PARP16: variants seen among roughly 807,000 people sequenced by gnomAD.
PARP16 encodes the protein poly(ADP-ribose) polymerase family member 16.
In PARP16, 31 loss-of-function variants were observed where a neutral mutation model predicts 35.0. The ratio of observed to expected loss-of-function variants is 0.88; its 90% CI spans 0.66 to 1.19. The LOEUF (loss-of-function observed/expected upper bound fraction) is 1.19. Among genes scored for constraint, PARP16 ranks in the 50% most tolerant of loss-of-function variants. The pLI, the probability that PARP16 is intolerant of heterozygous loss-of-function variation, is 0.00. For missense variants in PARP16, 424 were observed against 411.2 expected (o/e 1.03, Z -0.27); for synonymous variants, 162 against 169.5 (o/e 0.96, Z 0.34).
At chr15:65,277,960 G>C (rs751694771) in intron 1 of PARP16, among the ~76,000 whole-genome samples, 1 of 152,176 alleles carries the variant, frequency 6.6e-6, no homozygotes, top group Non-Finnish European at 1.5e-5. Context: ...TCAGTACATG[G>C]CAGTGGAAGG....
intron 1 of PARP16, among the ~76,000 whole-genome samples, chr15:65,281,446 T>C (rs2090419283): frequency 6.6e-6 from 1 of 152,006 alleles, no homozygotes; most frequent in African/African-American, 2.4e-5. Context: ...TCCCAGCAGT[T>C]TGGGAGGCCG....
chr15:65,254,507 A>G (rs1230420894), downstream of PARP16, among the ~76,000 whole-genome samples: 3 of 152,138 alleles, frequency 2.0e-5, no homozygotes, highest in Non-Finnish European at 4.4e-5. Flanking sequence ...AAACACAAAC[A>G]AAGGCCAAGA....
intron 3 of PARP16, among the ~76,000 whole-genome samples, chr15:65,241,739 C>G (rs922069561): frequency 3.3e-5 from 5 of 151,734 alleles, no homozygotes; most frequent in Non-Finnish European, 7.4e-5. Flanking sequence ...AGATACAAAT[C>G]ATTTATTCTT....
At chr15:65,273,256 G>A in intron 1 of PARP16, among the ~76,000 whole-genome samples, 1 of 88,796 alleles carries the variant, frequency 1.1e-5, no homozygotes. Context: ...CTAGCCTGGT[G>A]ACAGAGAGAG....
At chr15:65,265,729 T>C (rs1416797579) in intron 3 of PARP16, among the ~76,000 whole-genome samples, 1 of 152,098 alleles carries the variant, frequency 6.6e-6, no homozygotes, top group East Asian at 1.9e-4. Flanking sequence ...GGTCTGCGCC[T>C]GAGATTCGCA....
intron 3 of PARP16, among the ~76,000 whole-genome samples, chr15:65,239,451 A>AG (rs2088979887): frequency 7.0e-6 from 1 of 142,566 alleles, no homozygotes; most frequent in African/African-American, 2.6e-5. Context: ...AAAAAAAAAA[A>AG]AAGAGAGAAA....
chr15:65,241,554 G>T (rs1267896901), intron 3 of PARP16, among the ~76,000 whole-genome samples: 2 of 152,106 alleles, frequency 1.3e-5, no homozygotes, highest in Non-Finnish European at 1.5e-5. Flanking sequence ...TTTTTTAGTG[G>T]GTGTGCAGTG....
At chr15:65,243,092 T>C (rs2089122361) in intron 3 of PARP16, among the ~76,000 whole-genome samples, 1 of 152,228 alleles carries the variant, frequency 6.6e-6, no homozygotes, top group African/African-American at 2.4e-5. Flanking sequence ...AAGACAGTTT[T>C]ACTTTTTTCT....
At chr15:65,261,303 T>C (rs953336295) in intron 4 of PARP16, among the ~76,000 whole-genome samples, 11 of 151,200 alleles carry the variant, frequency 7.3e-5, no homozygotes, top group African/African-American at 2.7e-4. Flanking sequence ...AGCAAATTGA[T>C]GGCCATAGCA....
At chr15:65,272,129 T>C (rs1452855665) in intron 1 of PARP16, among the ~76,000 whole-genome samples, 1 of 152,196 alleles carries the variant, frequency 6.6e-6, no homozygotes, top group Non-Finnish European at 1.5e-5. Context: ...GTTTTCACTT[T>C]TGGGGGCAAA....
At chr15:65,239,424 TAAAAAAAAAAAA>T (rs758350761) in intron 3 of PARP16, among the ~76,000 whole-genome samples, 23 of 6,960 alleles carry the variant, frequency 3.3e-3, no homozygotes, top group East Asian at 0.026. Context: ...AGACTTTGCC[TAAAAAAAAAAAA>T]AAAAAAAAAA....
At chr15:65,272,335 G>A (rs532153385) in intron 1 of PARP16, among the ~76,000 whole-genome samples, 9 of 152,258 alleles carry the variant, frequency 5.9e-5, no homozygotes, top group Admixed American at 2.0e-4. Context: ...AGGAAGAATC[G>A]GAATCCTGAA....
intron 2 of PARP16, among the ~76,000 whole-genome samples, chr15:65,270,472 C>T (rs907430826): frequency 6.6e-6 from 1 of 152,164 alleles, no homozygotes; most frequent in Non-Finnish European, 1.5e-5. Flanking sequence ...TGAACTAGGT[C>T]AGAGTTTCTT....
At position 65,271,083 on chromosome 15, in the gene PARP16, GGAA is replaced by G. The variant is rs766011650; in HGVS notation, c.175-14_175-12del. The G allele has an allele frequency of 1.2e-6, 2 of 1,613,806 alleles. No homozygotes were observed. Among genetic ancestry groups the G allele is most frequent in the Non-Finnish European group, 1.7e-6 (2 of 1,179,818 alleles). On this transcript the variant is annotated splice_polypyrimidine_tract_variant and intron_variant, in intron 1 of 5. Coordinates refer to ENST00000649807, the MANE Select transcript of PARP16 (RefSeq NM_001316943.2). ...GCTGGCATCTGCAAGCTGAAGCGACGGAAGAACTTCCATTAGCAAGGATCCCGG... is the reference window on the plus strand; with the variant it reads ...GCTGGCATCTGCAAGCTGAAGCGACGGAACTTCCATTAGCAAGGATCCCGG...
At chr15:65,254,028 G>A (rs1449000057), downstream of PARP16, among the ~76,000 whole-genome samples, 1 of 152,068 alleles carries the variant, frequency 6.6e-6, no homozygotes, top group Non-Finnish European at 1.5e-5. Context: ...ATGTTGGCCA[G>A]GATGGTCTTG....
intron 4 of PARP16, 111 bp downstream of exon 4, chr15:65,263,038 C>T: frequency 2.0e-6 from 2 of 1,009,062 alleles, no homozygotes; most frequent in Non-Finnish European, 1.5e-6. Context: ...GCCCTGGATC[C>T]AGCCCAACCC....
At chr15:65,270,536 A>C (rs918048075) in intron 2 of PARP16, among the ~76,000 whole-genome samples, 4 of 152,218 alleles carry the variant, frequency 2.6e-5, no homozygotes, top group Non-Finnish European at 5.9e-5. Context: ...TTGTTAAATA[A>C]AGTGAATCCC....
intron 2 of PARP16, among the ~76,000 whole-genome samples, chr15:65,268,514 T>C (rs995114496): frequency 1.3e-5 from 2 of 152,214 alleles, no homozygotes; most frequent in Non-Finnish European, 2.9e-5. Flanking sequence ...GGTGTGATCC[T>C]AGCTCATCGC....
intron 3 of PARP16, 146 bp from the exon 4 acceptor site, chr15:65,263,466 A>ATTTG: frequency 1.6e-6 from 1 of 608,448 alleles, no homozygotes; most frequent in Non-Finnish European, 2.9e-6. Flanking sequence ...AGGATCAAAT[A>ATTTG]ATCCTGTGAT....
Sources: gnomAD v4.1 joint callset for allele counts (sites outside exome capture counted in the v4.1 genomes callset) on GRCh38, gnomAD v4.1.1 for gene constraint, MANE v1.5 for transcripts, NCBI Gene and HGNC (gene_info 2026-07-23, HGNC 2026-07-21) for gene names.